FOXP2: variants seen among roughly 807,000 people sequenced by gnomAD.
FOXP2 encodes the protein forkhead box protein P2.
FOXP2 carries 12 observed loss-of-function variants against 115.8 expected under a neutral mutation model. The observed-to-expected ratio is 0.10, with a 90% confidence interval of 0.07 to 0.17. FOXP2 has a LOEUF of 0.17. Among genes scored for constraint, FOXP2 ranks in the 10% least tolerant of loss-of-function variants. The pLI is 1.00. For synonymous variants in FOXP2, 328 were observed against 297.7 expected, an observed-to-expected ratio of 1.10 and a Z score of -1.05; for missense variants, 629 against 843.5, an observed-to-expected ratio of 0.75 and a Z score of 3.15.
intron 3 of FOXP2, among the ~76,000 whole-genome samples, chr7:114,570,364 A>G (rs907301064): frequency 2.6e-5 from 4 of 151,860 alleles, no homozygotes; most frequent in African/African-American, 9.7e-5. Flanking sequence ...GACAGGATTT[A>G]TGTTCATTTG....
chr7:114,617,368 A>G (rs1400356762), intron 3 of FOXP2, among the ~76,000 whole-genome samples: 1 of 152,170 alleles, frequency 6.6e-6, no homozygotes, highest in Non-Finnish European at 1.5e-5. Context: ...TCTCTATCCC[A>G]TTCAAGTAAT....
chr7:114,325,972 T>C (rs1042338289), intron 2 of FOXP2, among the ~76,000 whole-genome samples: 2 of 152,088 alleles, frequency 1.3e-5, no homozygotes, highest in South Asian at 4.1e-4. Flanking sequence ...CCATAATAGA[T>C]ACAACAAAGC....
intron 2 of FOXP2, among the ~76,000 whole-genome samples, chr7:114,457,107 T>G (rs887577067): frequency 6.6e-6 from 1 of 152,150 alleles, no homozygotes; most frequent in Admixed American, 6.5e-5. Flanking sequence ...AAAACTCTAG[T>G]TATAATACCC....
At chr7:114,343,988 T>G (rs1249526315) in intron 2 of FOXP2, among the ~76,000 whole-genome samples, 1 of 120,358 alleles carries the variant, frequency 8.3e-6, no homozygotes, top group Non-Finnish European at 1.8e-5. Context: ...TGCACATTAA[T>G]TTTTTTCTGA....
At chr7:114,682,684 G>T (rs997620099) in intron 16 of FOXP2, among the ~76,000 whole-genome samples, 3 of 152,014 alleles carry the variant, frequency 2.0e-5, no homozygotes, top group Non-Finnish European at 4.4e-5. Flanking sequence ...ATTGCCAATG[G>T]TCACAAGAAG....
At chr7:114,428,975 A>G (rs1306071445) in intron 2 of FOXP2, among the ~76,000 whole-genome samples, 4 of 151,586 alleles carry the variant, frequency 2.6e-5, no homozygotes, top group African/African-American at 9.7e-5. Context: ...TTGTTGACCA[A>G]GATCTTTTGT....
At chr7:114,368,772 T>C (rs930733401) in intron 2 of FOXP2, among the ~76,000 whole-genome samples, 1 of 152,172 alleles carries the variant, frequency 6.6e-6, no homozygotes, top group East Asian at 1.9e-4. Context: ...AACAGAACTC[T>C]TGTGACATAG....
intron 1 of FOXP2, chr7:114,416,337 A>G (rs1473792117): frequency 6.6e-6 from 1 of 152,018 alleles, no homozygotes; most frequent in Non-Finnish European, 1.5e-5. Flanking sequence ...GATGACACAG[A>G]TAGCTGCACT....
At chr7:114,472,356 T>C (rs916053476) in intron 2 of FOXP2, among the ~76,000 whole-genome samples, 2 of 151,640 alleles carry the variant, frequency 1.3e-5, no homozygotes, top group Non-Finnish European at 2.9e-5. Flanking sequence ...TTTTTTTTTT[T>C]TTTTTGAGAC....
At chr7:114,202,477 A>T (rs1283009526) in intron 1 of FOXP2, among the ~76,000 whole-genome samples, 1 of 152,192 alleles carries the variant, frequency 6.6e-6, no homozygotes, top group Non-Finnish European at 1.5e-5. Context: ...GAAATTTTGA[A>T]ACCCAAATTC....
intron 1 of FOXP2, among the ~76,000 whole-genome samples, chr7:114,261,729 T>A (rs1320952662): frequency 2.0e-5 from 3 of 152,178 alleles, no homozygotes; most frequent in Non-Finnish European, 4.4e-5. Context: ...TAATAAGTAC[T>A]TAAATCTAGA....
intron 3 of FOXP2, among the ~76,000 whole-genome samples, chr7:114,569,647 T>A (rs908971715): frequency 6.6e-6 from 1 of 151,740 alleles, no homozygotes; most frequent in Admixed American, 6.6e-5. Flanking sequence ...TTGAACAATT[T>A]CCCCCCAGTC....
chr7:114,245,163 C>T (rs1234219931), intron 1 of FOXP2, among the ~76,000 whole-genome samples: 1 of 152,116 alleles, frequency 6.6e-6, no homozygotes, highest in Non-Finnish European at 1.5e-5. Flanking sequence ...CCCTCTTGGT[C>T]CAGTTTAAGA....
intron 2 of FOXP2, among the ~76,000 whole-genome samples, chr7:114,345,940 A>C (rs552129353): frequency 6.6e-6 from 1 of 151,894 alleles, no homozygotes; most frequent in South Asian, 2.1e-4. Context: ...TTTGACCTAG[A>C]ATCACATTAT....
intron 2 of FOXP2, among the ~76,000 whole-genome samples, chr7:114,519,846 C>T (rs1798525779): frequency 6.6e-6 from 1 of 152,116 alleles, no homozygotes; most frequent in Non-Finnish European, 1.5e-5. Context: ...CCCAGTGTCA[C>T]TCTCAGAAAT....
chr7:114,636,624 C>CT (rs34522461), intron 6 of FOXP2, among the ~76,000 whole-genome samples: 2,307 of 140,424 alleles, frequency 0.016, 46 homozygotes, highest in African/African-American at 0.045. Context: ...TTGAAAAAAT[C>CT]TTTTTTTTTT....
chr7:114,289,131 C>T (rs191723903), intron 2 of FOXP2, among the ~76,000 whole-genome samples: 25 of 151,872 alleles, frequency 1.6e-4, no homozygotes, highest in African/African-American at 5.8e-4. Context: ...TTCTGTTTGG[C>T]CTATGGATTG....
At chr7:114,179,500 A>G (rs952119004) in intron 1 of FOXP2, among the ~76,000 whole-genome samples, 1 of 151,970 alleles carries the variant, frequency 6.6e-6, no homozygotes, top group African/African-American at 2.4e-5. Flanking sequence ...CAATGCATAG[A>G]GTAGTGCTGG....
At chr7:114,215,655 C>CT (rs949933698) in intron 1 of FOXP2, among the ~76,000 whole-genome samples, 68 of 145,134 alleles carry the variant, frequency 4.7e-4, no homozygotes, top group South Asian at 8.7e-4. Context: ...TAAGATACTG[C>CT]TTTTTTTTTT....
Sources: allele counts gnomAD v4.1 joint callset (sites outside exome capture counted in the v4.1 genomes callset), GRCh38; gene constraint gnomAD v4.1.1; transcripts MANE v1.5; gene names NCBI Gene and HGNC (gene_info 2026-07-23, HGNC 2026-07-21).